The following LRRTM4 variants were observed in gnomAD, a reference collection of about 807,000 sequenced individuals.
LRRTM4 encodes the protein leucine rich repeat transmembrane neuronal 4.
Under a neutral mutation model 47.6 loss-of-function variants are expected in LRRTM4, and 25 were observed. The ratio of observed to expected loss-of-function variants is 0.53; its 90% CI spans 0.38 to 0.73. LRRTM4 has a LOEUF of 0.73. Ranked by LOEUF, LRRTM4 falls within the 30% of genes least tolerant of loss-of-function variation. LRRTM4 has a pLI of 0.00. For missense variants in LRRTM4, 638 were observed against 713.4 expected (o/e 0.89, Z 1.20); for synonymous variants, 311 against 269.5 (o/e 1.15, Z -1.51).
At chr2:76,997,280 T>C (rs1009432688) in intron 3 of LRRTM4, among the ~76,000 whole-genome samples, 1 of 152,142 alleles carries the variant, frequency 6.6e-6, no homozygotes, top group Non-Finnish European at 1.5e-5. Context: ...CTCATGCAGT[T>C]CAAATACAGC....
chr2:76,958,208 A>G (rs1675738929), intron 3 of LRRTM4, among the ~76,000 whole-genome samples: 1 of 151,812 alleles, frequency 6.6e-6, no homozygotes, highest in African/African-American at 2.4e-5. Flanking sequence ...GCAGAGGGCC[A>G]TGTCATCATA....
chr2:77,122,361 T>C (rs1671540569), intron 3 of LRRTM4, among the ~76,000 whole-genome samples: 1 of 151,456 alleles, frequency 6.6e-6, no homozygotes, highest in African/African-American at 2.4e-5. Flanking sequence ...TTGTTATTCT[T>C]TTAATTATCT....
At chr2:77,439,997 T>C (rs1355866598) in intron 3 of LRRTM4, among the ~76,000 whole-genome samples, 1 of 152,196 alleles carries the variant, frequency 6.6e-6, no homozygotes, top group Non-Finnish European at 1.5e-5. Flanking sequence ...CAAAGTGATA[T>C]CTATCTGTCT....
At chr2:77,285,684 G>T (rs1676636101) in intron 3 of LRRTM4, among the ~76,000 whole-genome samples, 3 of 151,964 alleles carry the variant, frequency 2.0e-5, no homozygotes, top group Admixed American at 2.0e-4. Flanking sequence ...AGAGGCTGCA[G>T]TGAGCTGAGA....
intron 3 of LRRTM4, among the ~76,000 whole-genome samples, chr2:77,015,814 C>T (rs1286864537): frequency 6.6e-6 from 1 of 152,044 alleles, no homozygotes; most frequent in Non-Finnish European, 1.5e-5. Flanking sequence ...GATAAGAGAA[C>T]ATTTCTGGAG....
intron 3 of LRRTM4, among the ~76,000 whole-genome samples, chr2:77,259,777 G>A (rs1675868263): frequency 6.6e-6 from 1 of 152,034 alleles, no homozygotes; most frequent in Non-Finnish European, 1.5e-5. Context: ...TATATCATAT[G>A]CAAGGCCAAG....
chr2:76,971,627 G>T (rs1676222888), intron 3 of LRRTM4, among the ~76,000 whole-genome samples: 2 of 152,018 alleles, frequency 1.3e-5, no homozygotes, highest in African/African-American at 2.4e-5. Flanking sequence ...CAATATTGGA[G>T]CAAGCATGGG....
At chr2:77,279,337 C>T (rs951873469) in intron 3 of LRRTM4, among the ~76,000 whole-genome samples, 12 of 151,874 alleles carry the variant, frequency 7.9e-5, no homozygotes, top group East Asian at 1.9e-4. Flanking sequence ...TCCTAGCTTT[C>T]GCTGTTTTTT....
intron 3 of LRRTM4, among the ~76,000 whole-genome samples, chr2:77,185,229 T>C (rs1394995732): frequency 6.6e-6 from 1 of 152,176 alleles, no homozygotes; most frequent in Non-Finnish European, 1.5e-5. Context: ...TGTTCTGGTC[T>C]GCTGTCTGTC....
At chr2:76,889,802 A>G (rs945872969) in intron 3 of LRRTM4, among the ~76,000 whole-genome samples, 16 of 151,860 alleles carry the variant, frequency 1.1e-4, no homozygotes, top group Non-Finnish European at 1.9e-4. Context: ...AAAAGAGGCA[A>G]ATAATAGAGT....
rs1233777057 is a variant in LRRTM4 at position 77,519,500 on chromosome 2, A to T, written c.369T>A (p.Tyr123Ter). The T allele has an allele frequency of 1.2e-6, 2 of 1,613,454 alleles. No homozygotes were observed. The highest frequency in any genetic ancestry group is 1.7e-6 in the Non-Finnish European group (2 of 1,179,632). The change falls in exon 3 of 4, where the codon TAT becomes TAA. Residue 123 changes from tyrosine (Y) to a stop codon, truncating the protein, a stop_gained. Transcript: ENST00000409884. LOFTEE classifies it high-confidence loss of function. This position sits in a 1 kb window ranked among gnomAD's most constrained non-coding sequence, Gnocchi z 4.6. ...ELILSSNKIT[Y>*]LHNKTFHPVP... ...CTGGGTGAAATGTTTTATTGTGCAGATAAGTAATTTTGTTGGAGCTTAGAA... is the reference window on the plus strand; with the variant it reads ...CTGGGTGAAATGTTTTATTGTGCAGTTAAGTAATTTTGTTGGAGCTTAGAA...
chr2:77,088,914 T>C (rs993707295), intron 3 of LRRTM4, among the ~76,000 whole-genome samples: 5 of 152,034 alleles, frequency 3.3e-5, no homozygotes, highest in African/African-American at 1.2e-4. Flanking sequence ...CTTCAATCTC[T>C]CCCTTCTCTT....
At chr2:77,457,004 GTATATATATA>G (rs1171771344) in intron 3 of LRRTM4, among the ~76,000 whole-genome samples, 235 of 23,116 alleles carry the variant, frequency 0.01, 3 homozygotes, top group Non-Finnish European at 0.015. Flanking sequence ...GTGTGTGTGT[GTATATATATA>G]TATATATATA....
intron 3 of LRRTM4, among the ~76,000 whole-genome samples, chr2:77,003,672 T>C (rs1677524210): frequency 6.6e-6 from 1 of 152,168 alleles, no homozygotes; most frequent in South Asian, 2.1e-4. Flanking sequence ...GGTATGTCTT[T>C]ATTAGTAGTG....
intron 3 of LRRTM4, among the ~76,000 whole-genome samples, chr2:76,854,706 GCTA>G (rs1182180230): frequency 2.0e-5 from 3 of 151,896 alleles, no homozygotes; most frequent in Admixed American, 6.6e-5. Flanking sequence ...CTTAGATGTC[GCTA>G]CTTACTTATT....
intron 3 of LRRTM4, among the ~76,000 whole-genome samples, chr2:77,224,713 C>T (rs1280983375): frequency 6.6e-6 from 1 of 152,078 alleles, no homozygotes; most frequent in African/African-American, 2.4e-5. Flanking sequence ...CAGGAAACAA[C>T]AGGTGCTGGA....
At chr2:77,321,365 T>A (rs1224144393) in intron 3 of LRRTM4, among the ~76,000 whole-genome samples, 1 of 152,108 alleles carries the variant, frequency 6.6e-6, no homozygotes, top group South Asian at 2.1e-4. Flanking sequence ...CCTTGGTATA[T>A]AAATAAGAGT....
intron 3 of LRRTM4, among the ~76,000 whole-genome samples, chr2:77,306,898 T>TA (rs1491493424): frequency 4.9e-5 from 4 of 81,434 alleles, no homozygotes; most frequent in African/African-American, 1.3e-4. Flanking sequence ...CTTTTCCATA[T>TA]TTTTTTTTTT....
chr2:77,154,781 A>G (rs962808217), intron 3 of LRRTM4, among the ~76,000 whole-genome samples: 3 of 152,164 alleles, frequency 2.0e-5, no homozygotes, highest in Non-Finnish European at 4.4e-5. Context: ...GGGTCTCTGT[A>G]CAGTTAGGGC....
Sources: allele counts gnomAD v4.1 joint callset (sites outside exome capture counted in the v4.1 genomes callset), GRCh38; gene constraint gnomAD v4.1.1; non-coding constraint Gnocchi (gnomAD v3.1); transcripts MANE v1.5; gene names NCBI Gene and HGNC (gene_info 2026-07-23, HGNC 2026-07-21).